TVP23A: variants seen among roughly 807,000 people sequenced by gnomAD.
TVP23A encodes the protein Golgi apparatus membrane protein TVP23 homolog A.
TVP23A carries 21 observed loss-of-function variants against 31.7 expected under a neutral mutation model. That is an observed-to-expected ratio of 0.66 (90% CI 0.47 to 0.95). TVP23A has a LOEUF of 0.95. TVP23A is among the 40% of genes least tolerant of loss of function. TVP23A has a pLI of 0.00. For missense variants in TVP23A, 279 were observed against 255.6 expected, an observed-to-expected ratio of 1.09 and a Z score of -0.62; for synonymous variants, 104 against 96.0, an observed-to-expected ratio of 1.08 and a Z score of -0.49.
chr16:10,776,130 A>C (rs1214394690), intron 2 of TVP23A, among the ~76,000 whole-genome samples: 2 of 150,908 alleles, frequency 1.3e-5, no homozygotes, highest in Non-Finnish European at 3.0e-5. Context: ...ATGCCAGCAC[A>C]TTGGGAGGCC....
At chr16:10,775,811 T>A (rs1473418460) in intron 2 of TVP23A, among the ~76,000 whole-genome samples, 12 of 142,554 alleles carry the variant, frequency 8.4e-5, no homozygotes, top group Admixed American at 2.9e-4. Flanking sequence ...TGCAGTGGCG[T>A]GATCTCGGTT....
chr16:10,767,990 C>G lies in TVP23A; in HGVS notation c.*1112G>C. 1 of 1,614,048 alleles carries G rather than the reference C, an allele frequency of 6.2e-7. No homozygotes were observed. The highest frequency in any genetic ancestry group is 1.3e-5 in the African/African-American group (1 of 74,996). On this transcript the variant is annotated 3_prime_UTR_variant, in exon 8 of 8. Coordinates refer to ENST00000299866, the MANE Select transcript of TVP23A (RefSeq NM_001079512.4). The surrounding 1 kb of genome is among the most constrained non-coding windows in gnomAD (Gnocchi z 4.6). ...AGGCCAGTCTTTTTTCATTGACGCC[C>G]CAGATTCCCCAGCCACGTTAGCCTA...
At chr16:10,773,969 A>G in intron 4 of TVP23A, 70 bp downstream of exon 4, 1 of 1,268,168 alleles carries the variant, frequency 7.9e-7, no homozygotes, top group Non-Finnish European at 1.1e-6. Flanking sequence ...CAAAACTCCA[A>G]AGGAACCCAC....
At chr16:10,758,766 C>G (rs1437533038), downstream of TVP23A, among the ~76,000 whole-genome samples, 2 of 152,210 alleles carry the variant, frequency 1.3e-5, no homozygotes, top group African/African-American at 4.8e-5. Context: ...ACAGAACCAG[C>G]TGGGTGCAGA....
rs1323886923 is a variant in TVP23A, at chr16:10,766,897, A to G, written c.*2205T>C. The stretch of plus-strand genomic sequence containing the variant: ...AGAGGACATTTCCTGTTATGGCTCA[A>G]GTGCGAATTGGCCTTATGTTCCCTG... On this transcript the variant is annotated 3_prime_UTR_variant, in exon 8 of 8. Transcript: ENST00000299866. The surrounding 1 kb of genome is among the most constrained non-coding windows in gnomAD (Gnocchi z 4.8). 1.3e-5 allele frequency: 5 copies of G among 398,652 alleles called. No homozygotes were observed. The highest frequency in any genetic ancestry group is 1.1e-4 in the East Asian group (3 of 28,080). 24.7% of individuals were successfully genotyped at this position (398,652 alleles called of 1,614,324 possible).
intron 2 of TVP23A, among the ~76,000 whole-genome samples, chr16:10,808,305 T>C (rs1014913823): frequency 2.0e-5 from 3 of 152,316 alleles, no homozygotes; most frequent in Middle Eastern, 3.4e-3. Flanking sequence ...CAATGGCAGA[T>C]AAAGTGATGG....
At chr16:10,772,231 G>A (rs2031677706) in intron 5 of TVP23A, among the ~76,000 whole-genome samples, 1 of 152,180 alleles carries the variant, frequency 6.6e-6, no homozygotes, top group South Asian at 2.1e-4. Flanking sequence ...TTTACAAAGA[G>A]GAAACTGAGG....
rs191533131 is a variant in TVP23A at position 10,813,177 on chromosome 16, C to T, written c.89+4926G>A. On this transcript the variant is annotated intron_variant, in intron 2 of 7. Coordinates refer to ENST00000299866, the MANE Select transcript of TVP23A (RefSeq NM_001079512.4). ...GTTGAATAAATATTTAGTAAATAAACTGTATAATAACCACGTGGTGAAGTC... is the reference window on the plus strand; with the variant it reads ...GTTGAATAAATATTTAGTAAATAAATTGTATAATAACCACGTGGTGAAGTC... Among the ~76,000 whole-genome samples the T allele has an allele frequency of 3.0e-4, 46 of 152,316 alleles. 1 individual carries two copies. In the East Asian group the frequency reaches 4.6e-3, roughly 15 times the overall value.
Position 10,768,144 on chromosome 16 carries a change from G to C in TVP23A, c.*958C>G. 1 of 926,172 alleles carries C rather than the reference G, an allele frequency of 1.1e-6. No individual in the cohort carries two copies. The highest frequency in any genetic ancestry group is 1.7e-5 in the African/African-American group (1 of 60,402). 57.4% of individuals were successfully genotyped at this position (926,172 alleles called of 1,614,324 possible). ...TGGTGGGGTCTGTGATGACCACAGAGTGGCCCCCATAGCCGAGGAAGCCAG... is the reference window on the plus strand; with the variant it reads ...TGGTGGGGTCTGTGATGACCACAGACTGGCCCCCATAGCCGAGGAAGCCAG... On this transcript the variant is annotated 3_prime_UTR_variant, in exon 8 of 8. Coordinates refer to ENST00000299866, the MANE Select transcript of TVP23A (RefSeq NM_001079512.4). This position sits in a 1 kb window ranked among gnomAD's most constrained non-coding sequence, Gnocchi z 4.3.
At chr16:10,799,987 G>C (rs1028466401) in intron 2 of TVP23A, among the ~76,000 whole-genome samples, 1 of 98,410 alleles carries the variant, frequency 1.0e-5, no homozygotes, top group African/African-American at 3.7e-5. Context: ...TCTTGTTTTT[G>C]TTTTCACCCT....
At chr16:10,770,865 T>C (rs2031550410) in intron 6 of TVP23A, among the ~76,000 whole-genome samples, 1 of 55,164 alleles carries the variant, frequency 1.8e-5, no homozygotes, top group Non-Finnish European at 2.9e-5. Flanking sequence ...GAGACTCCCA[T>C]CTCAAAAAAA....
chr16:10,795,748 A>G (rs1163528042), intron 2 of TVP23A, among the ~76,000 whole-genome samples: 1 of 152,164 alleles, frequency 6.6e-6, no homozygotes, highest in Non-Finnish European at 1.5e-5. Context: ...CTCACAAATG[A>G]AATGATAGAG....
At chr16:10,771,617 G>T in intron 6 of TVP23A, 53 bp downstream of exon 6, 1 of 1,603,316 alleles carries the variant, frequency 6.2e-7, no homozygotes, top group South Asian at 1.1e-5. Flanking sequence ...AGGCCACCTT[G>T]ACTTTGACTA....
intron 2 of TVP23A, among the ~76,000 whole-genome samples, chr16:10,803,607 G>C (rs753864124): frequency 2.0e-4 from 30 of 152,178 alleles, no homozygotes; most frequent in Admixed American, 1.0e-3. Context: ...CAACGGTGCA[G>C]GGTCCCATCA....
At chr16:10,759,827 A>G (rs1304640803), downstream of TVP23A, among the ~76,000 whole-genome samples, 1 of 152,204 alleles carries the variant, frequency 6.6e-6, no homozygotes, top group African/African-American at 2.4e-5. The surrounding 1 kb of genome is among the most constrained non-coding windows in gnomAD (Gnocchi z 4.7). Flanking sequence ...TTGACTTTCT[A>G]GCTGAGCGCC....
intron 2 of TVP23A, among the ~76,000 whole-genome samples, chr16:10,787,474 A>AGGGGCAGGCAACAT (rs200737868): frequency 5.3e-5 from 8 of 152,152 alleles, no homozygotes; most frequent in East Asian, 3.9e-4. Context: ...GTGTACAGTA[A>AGGGGCAGGCAACAT]GGGGCAGGCA....
Position 10,818,602 on chromosome 16 carries a change from C to T in TVP23A, c.-109G>A. 2 of 1,390,712 alleles carry T rather than the reference C, an allele frequency of 1.4e-6. No homozygotes were observed. The highest frequency in any genetic ancestry group is 1.9e-6 in the Non-Finnish European group (2 of 1,041,826). 86.1% of individuals were successfully genotyped at this position (1,390,712 alleles called of 1,614,324 possible). A position where few individuals can be genotyped will look rare whatever the true frequency, so the allele number is the denominator to read the frequency against. On this transcript the variant is annotated 5_prime_UTR_variant, in exon 1 of 8. Transcript: ENST00000299866. The surrounding 1 kb of genome is among the most constrained non-coding windows in gnomAD (Gnocchi z 4.7). ...GCGGATGTAGGCAGCAGACGGTGGA[C>T]GCTGAGGGTCGGGGCCTGCGCCCTG...
intron 2 of TVP23A, among the ~76,000 whole-genome samples, chr16:10,796,664 T>G (rs904846981): frequency 2.0e-5 from 3 of 152,080 alleles, no homozygotes; most frequent in African/African-American, 7.2e-5. Flanking sequence ...GGTCTTGATC[T>G]CCTGACCTTG....
At chr16:10,784,357 A>C (rs1457935334) in intron 2 of TVP23A, among the ~76,000 whole-genome samples, 4 of 151,952 alleles carry the variant, frequency 2.6e-5, no homozygotes, top group South Asian at 4.2e-4. Context: ...CAACCTGGGC[A>C]ACATGGTAAA....
Sources: allele counts gnomAD v4.1 joint callset (sites outside exome capture counted in the v4.1 genomes callset), GRCh38; gene constraint gnomAD v4.1.1; non-coding constraint Gnocchi (gnomAD v3.1); transcripts MANE v1.5; gene names NCBI Gene and HGNC (gene_info 2026-07-23, HGNC 2026-07-21).